The following TCERG1 variants were observed in gnomAD, a reference collection of about 807,000 sequenced individuals.
TCERG1 encodes transcription elongation regulator 1.
Under a neutral mutation model 144.7 loss-of-function variants are expected in TCERG1, and 37 were observed. That is an observed-to-expected ratio of 0.26 (90% CI 0.20 to 0.34). The LOEUF is 0.34. Among genes scored for constraint, TCERG1 ranks in the 10% least tolerant of loss-of-function variants. The pLI, the probability that TCERG1 is intolerant of heterozygous loss-of-function variation, is 1.00. For missense variants in TCERG1, 1,027 were observed against 1,380.7 expected (o/e 0.74, Z 4.06); for synonymous variants, 492 against 458.2 (o/e 1.07, Z -0.94).
chr5:146,472,750 G>C (rs1244889081), intron 9 of TCERG1, among the ~76,000 whole-genome samples: 1 of 132,020 alleles, frequency 7.6e-6, no homozygotes, highest in African/African-American at 2.7e-5. Flanking sequence ...GTCTTGCTCT[G>C]TCGCCCAGGC....
At chr5:146,494,011 A>G (rs1252219706) in intron 16 of TCERG1, among the ~76,000 whole-genome samples, 4 of 152,140 alleles carry the variant, frequency 2.6e-5, no homozygotes, top group Non-Finnish European at 4.4e-5. Context: ...TTTATATTTG[A>G]AATATGGTAT....
chr5:146,473,700 T>C (rs994043149), intron 9 of TCERG1, among the ~76,000 whole-genome samples: 2 of 152,222 alleles, frequency 1.3e-5, no homozygotes, highest in Non-Finnish European at 2.9e-5. Flanking sequence ...CTACTCTGCT[T>C]GTGCTTTATA....
chr5:146,456,298 T>G (rs1280308687), intron 2 of TCERG1, among the ~76,000 whole-genome samples: 1 of 152,234 alleles, frequency 6.6e-6, no homozygotes, highest in African/African-American at 2.4e-5. Flanking sequence ...GGTATAATCT[T>G]TAACGTGAAT....
chr5:146,474,685 C>T (rs1194399327), intron 9 of TCERG1, among the ~76,000 whole-genome samples: 1 of 152,172 alleles, frequency 6.6e-6, no homozygotes, highest in African/African-American at 2.4e-5. Flanking sequence ...AACCACCAGC[C>T]TCATGAGTGT....
intron 19 of TCERG1, 141 bp downstream of exon 19, chr5:146,504,147 T>G: frequency 1.2e-6 from 1 of 866,218 alleles, no homozygotes; most frequent in African/African-American, 1.7e-5. Context: ...AATTGAATAC[T>G]TGGTATTAGT....
At chr5:146,453,975 A>G (rs944177992) in intron 1 of TCERG1, among the ~76,000 whole-genome samples, 1 of 151,080 alleles carries the variant, frequency 6.6e-6, no homozygotes. Context: ...AGGAGGGCAG[A>G]TCATGCGGTC....
chr5:146,488,140 TAAAAC>T (rs1766022170), intron 15 of TCERG1, among the ~76,000 whole-genome samples: 1 of 151,890 alleles, frequency 6.6e-6, no homozygotes, highest in Non-Finnish European at 1.5e-5. Flanking sequence ...CCTGAAATGA[TAAAAC>T]TACTAGAAAA....
At chr5:146,448,283 C>T (rs1053434084) in intron 1 of TCERG1, among the ~76,000 whole-genome samples, 1 of 152,188 alleles carries the variant, frequency 6.6e-6, no homozygotes, top group African/African-American at 2.4e-5. Flanking sequence ...AATTGGCGTT[C>T]TATTCGTCTA....
intron 17 of TCERG1, among the ~76,000 whole-genome samples, chr5:146,500,931 CCAAA>C (rs1237782982): frequency 6.6e-6 from 1 of 151,412 alleles, no homozygotes; most frequent in Non-Finnish European, 1.5e-5. Context: ...TCGCTTGAGC[CCAAA>C]CAGTCAAGGT....
intron 2 of TCERG1, among the ~76,000 whole-genome samples, chr5:146,456,646 G>C (rs774322474): frequency 2.6e-5 from 4 of 152,174 alleles, no homozygotes; most frequent in Non-Finnish European, 5.9e-5. Flanking sequence ...TATTAGCATA[G>C]TTTGAGTTCC....
chr5:146,483,440 C>T, intron 14 of TCERG1, 100 bp from the exon 15 acceptor site: 1 of 1,017,554 alleles, frequency 9.8e-7, no homozygotes, highest in Non-Finnish European at 1.4e-6. Flanking sequence ...GGTTTTATGT[C>T]TCCTTTATAA....
intron 4 of TCERG1, among the ~76,000 whole-genome samples, chr5:146,460,893 C>G (rs1763276596): frequency 6.6e-6 from 1 of 152,018 alleles, no homozygotes; most frequent in Non-Finnish European, 1.5e-5. Context: ...TTAGTGCTTC[C>G]CAAACCTCTG....
intron 9 of TCERG1, among the ~76,000 whole-genome samples, chr5:146,473,739 A>G (rs1023927963): frequency 6.6e-6 from 1 of 152,216 alleles, no homozygotes; most frequent in Non-Finnish European, 1.5e-5. Context: ...GGATAACAGC[A>G]TATCTGTTGA....
In TCERG1 at chr5:146,493,274, T is replaced by C. The variant is rs138564366; in HGVS notation, c.2282+236T>C. ...TAAGTGCTTCCCTATGGGAATAAGT[T>C]CTTTAGAAACTAGTATATGATAGAA... On this transcript the variant is annotated intron_variant, in intron 16 of 22. Coordinates refer to ENST00000679501, the MANE Select transcript of TCERG1 (RefSeq NM_001382548.1). Among the ~76,000 whole-genome samples the C allele has an allele frequency of 9.0e-4, 137 of 152,136 alleles. No individual in the cohort carries two copies. The East Asian group carries it at 0.018, about 20-fold the overall frequency.
intron 18 of TCERG1, 102 bp downstream of exon 18, chr5:146,503,641 T>G: frequency 1.4e-6 from 2 of 1,447,528 alleles, no homozygotes; most frequent in Non-Finnish European, 1.9e-6. Context: ...GGGTTTGGAT[T>G]TTTTCTTGTT....
chr5:146,507,025 C>T lies in TCERG1; in HGVS notation c.2782-3C>T, dbSNP rs1337861050. ...TGATATATATATAATTTTTTCTCTTCAGGTACGTTCTTCAGATGTGTCATG... is the reference window on the plus strand; with the variant it reads ...TGATATATATATAATTTTTTCTCTTTAGGTACGTTCTTCAGATGTGTCATG... On this transcript the variant is annotated splice_region_variant and splice_polypyrimidine_tract_variant and intron_variant, in intron 19 of 22. Coordinates refer to ENST00000679501, the MANE Select transcript of TCERG1 (RefSeq NM_001382548.1). This position sits in a 1 kb window ranked among gnomAD's most constrained non-coding sequence, Gnocchi z 4.6. 1.3e-6 allele frequency: 2 copies of T among 1,563,452 alleles called. No individual in the cohort carries two copies. The highest frequency in any genetic ancestry group is 1.2e-5 in the South Asian group (1 of 81,326).
intron 15 of TCERG1, among the ~76,000 whole-genome samples, chr5:146,490,228 C>T (rs571026980): frequency 6.6e-5 from 10 of 152,218 alleles, no homozygotes; most frequent in Admixed American, 2.6e-4. Context: ...GGTAGTCCCT[C>T]CTTATCTGTG....
chr5:146,451,267 A>G (rs1002354068), intron 1 of TCERG1, among the ~76,000 whole-genome samples: 1 of 150,590 alleles, frequency 6.6e-6, no homozygotes, highest in Non-Finnish European at 1.5e-5. Flanking sequence ...TCTTTTGGGG[A>G]TGCATATAAT....
At chr5:146,454,316 G>A (rs145252521) in intron 1 of TCERG1, among the ~76,000 whole-genome samples, 3 of 152,204 alleles carry the variant, frequency 2.0e-5, no homozygotes, top group African/African-American at 7.2e-5. Context: ...GTGATGTCGT[G>A]TCTCTCTCAG....
Sources: gnomAD v4.1 joint callset for allele counts (sites outside exome capture counted in the v4.1 genomes callset) on GRCh38, gnomAD v4.1.1 for gene constraint, Gnocchi (gnomAD v3.1) non-coding constraint, MANE v1.5 for transcripts, NCBI Gene and HGNC (gene_info 2026-07-23, HGNC 2026-07-21) for gene names.